The following C10orf143 variants were observed in gnomAD, a reference collection of about 807,000 sequenced individuals.
The protein encoded by C10orf143 is chromosome 10 open reading frame 143, also known as uncharacterized protein C10orf143.
intron 1 of C10orf143, among the ~76,000 whole-genome samples, chr10:130,108,706 T>C (rs1861707805): frequency 6.6e-6 from 1 of 152,248 alleles, no homozygotes; most frequent in African/African-American, 2.4e-5. Flanking sequence ...GAGTTTTACG[T>C]ATGTAATCTT....
intron 1 of C10orf143, chr10:130,104,290 T>C (rs2134814811): frequency 6.6e-6 from 1 of 152,374 alleles, no homozygotes; most frequent in South Asian, 2.1e-4. Flanking sequence ...GTGACCACGC[T>C]AGCTAACTGG....
intron 3 of C10orf143, among the ~76,000 whole-genome samples, chr10:130,070,965 G>A (rs1420184038): frequency 2.0e-5 from 3 of 151,974 alleles, no homozygotes; most frequent in Admixed American, 2.0e-4. Flanking sequence ...ACCCAGGCTG[G>A]AGTGCAGTGG....
At chr10:130,094,540 G>C (rs1203563041) in intron 1 of C10orf143, among the ~76,000 whole-genome samples, 2 of 152,126 alleles carry the variant, frequency 1.3e-5, no homozygotes, top group African/African-American at 4.8e-5. Context: ...AATCAAGTTG[G>C]CTTCATCCCT....
At chr10:130,063,317 C>T (rs117465064), downstream of C10orf143, among the ~76,000 whole-genome samples, 99 of 152,268 alleles carry the variant, frequency 6.5e-4, 2 homozygotes, top group East Asian at 0.016. Context: ...AAAAATTAGA[C>T]GTGTATCTCA....
chr10:130,076,293 G>A (rs914597884), intron 3 of C10orf143, among the ~76,000 whole-genome samples: 4 of 152,184 alleles, frequency 2.6e-5, no homozygotes, highest in African/African-American at 9.7e-5. Flanking sequence ...AGAGAGAAAT[G>A]CTCTGGCCTC....
At chr10:130,055,803 G>A (rs543992536) in intron 3 of C10orf143, among the ~76,000 whole-genome samples, 19 of 151,862 alleles carry the variant, frequency 1.3e-4, no homozygotes, top group Non-Finnish European at 1.0e-4. Context: ...AAAAATAGCC[G>A]GATGTGGTGG....
At chr10:130,104,160 CTCA>C (rs1861602843) in intron 1 of C10orf143, 1 of 152,230 alleles carries the variant, frequency 6.6e-6, no homozygotes, top group African/African-American at 2.4e-5. Context: ...AAGGCCTCTA[CTCA>C]TCGTTTCTTC....
chr10:130,082,632 C>A (rs1861228104), intron 1 of C10orf143, among the ~76,000 whole-genome samples: 1 of 152,206 alleles, frequency 6.6e-6, no homozygotes, highest in Admixed American at 6.5e-5. Flanking sequence ...TCACCTTCTG[C>A]AATGATTGTG....
intron 3 of C10orf143, among the ~76,000 whole-genome samples, chr10:130,069,449 T>C (rs1860994516): frequency 2.0e-5 from 3 of 152,236 alleles, no homozygotes; most frequent in African/African-American, 7.2e-5. Flanking sequence ...TACAGAACAC[T>C]AGATAGTAAC....
chr10:130,100,623 C>T (rs1333473820), intron 1 of C10orf143, among the ~76,000 whole-genome samples: 9 of 152,142 alleles, frequency 5.9e-5, no homozygotes, highest in Middle Eastern at 3.4e-3. Context: ...AAACAAAACA[C>T]GGAAGATATT....
intron 1 of C10orf143, chr10:130,108,267 C>T: frequency 6.4e-7 from 1 of 1,568,742 alleles, no homozygotes; most frequent in South Asian, 1.1e-5. Context: ...TTCCCAGGTC[C>T]ACCACATGCT....
chr10:130,101,630 G>T (rs1861552224), intron 1 of C10orf143, among the ~76,000 whole-genome samples: 1 of 151,838 alleles, frequency 6.6e-6, no homozygotes, highest in Non-Finnish European at 1.5e-5. Flanking sequence ...ACTTTGGGAG[G>T]TGGAGGCGGG....
At chr10:130,083,139 A>T (rs536190820) in intron 1 of C10orf143, among the ~76,000 whole-genome samples, 10 of 152,358 alleles carry the variant, frequency 6.6e-5, no homozygotes, top group South Asian at 2.1e-4. Flanking sequence ...TAAACAATTT[A>T]AAAAAGCTAT....
At chr10:130,048,338 C>G (rs1000741885) in intron 3 of C10orf143, among the ~76,000 whole-genome samples, 2 of 152,196 alleles carry the variant, frequency 1.3e-5, no homozygotes, top group African/African-American at 4.8e-5. Context: ...CTGTGGGTGC[C>G]CCTCCTACTG....
intron 1 of C10orf143, among the ~76,000 whole-genome samples, chr10:130,105,228 T>C (rs1167364041): frequency 6.6e-6 from 1 of 152,160 alleles, no homozygotes; most frequent in East Asian, 1.9e-4. Flanking sequence ...GCGCCCGGCC[T>C]GCTTTGTATT....
chr10:130,083,789 G>T (rs1288102845), intron 1 of C10orf143, among the ~76,000 whole-genome samples: 1 of 152,176 alleles, frequency 6.6e-6, no homozygotes, highest in East Asian at 1.9e-4. Flanking sequence ...GGATAGGAAA[G>T]GGCTGGGGAA....
intron 3 of C10orf143, among the ~76,000 whole-genome samples, chr10:130,077,577 G>A (rs1590020715): frequency 2.0e-5 from 3 of 152,362 alleles, no homozygotes; most frequent in African/African-American, 2.4e-5. Flanking sequence ...GCAGGCCCAC[G>A]TGTAAGCAGG....
At chr10:130,103,678 T>C (rs920884015) in intron 1 of C10orf143, among the ~76,000 whole-genome samples, 11 of 150,844 alleles carry the variant, frequency 7.3e-5, no homozygotes, top group Middle Eastern at 3.4e-3. Flanking sequence ...GGCGTGGTGA[T>C]GCTTGCCTGT....
chr10:130,072,307 A>G (rs570517728), intron 3 of C10orf143, among the ~76,000 whole-genome samples: 1 of 152,010 alleles, frequency 6.6e-6, no homozygotes, highest in South Asian at 2.1e-4. Context: ...CCTTTCTTCA[A>G]TTCTGGAAAA....
Sources: gnomAD v4.1 joint callset for allele counts (sites outside exome capture counted in the v4.1 genomes callset) on GRCh38, gnomAD v4.1.1 for gene constraint, MANE v1.5 for transcripts, NCBI Gene and HGNC (gene_info 2026-07-23, HGNC 2026-07-21) for gene names.